DLGAP2: variants seen among roughly 807,000 people sequenced by gnomAD.
DLGAP2 encodes DLG associated protein 2.
DLGAP2 carries 26 observed loss-of-function variants against 100.3 expected under a neutral mutation model. The ratio of observed to expected loss-of-function variants is 0.26; its 90% CI spans 0.19 to 0.36. The LOEUF (loss-of-function observed/expected upper bound fraction) is 0.36. Among genes scored for constraint, DLGAP2 ranks in the 10% least tolerant of loss-of-function variants. The pLI, the probability that DLGAP2 is intolerant of heterozygous loss-of-function variation, is 1.00. For synonymous variants in DLGAP2, 886 were observed against 630.1 expected, an observed-to-expected ratio of 1.41 and a Z score of -6.08; for missense variants, 1,858 against 1,453.2, an observed-to-expected ratio of 1.28 and a Z score of -4.53.
intron 3 of DLGAP2, chr8:1,300,203 G>A (rs1041574168): frequency 3.9e-5 from 6 of 152,188 alleles, no homozygotes; most frequent in East Asian, 1.9e-4. Context: ...ACCGTTATAC[G>A]TGTGTGTCTG....
In DLGAP2 at chr8:1,282,858, G is replaced by A. The variant is rs1339794497; in HGVS notation, c.106+23975G>A. The stretch of plus-strand genomic sequence containing the variant: ...CCAGCACGTGAAGCATCCGGACGTG[G>A]TGTGACCTGAACCCAGCGCCCTGAA... On this transcript the variant is annotated intron_variant, in intron 3 of 14. Coordinates refer to ENST00000637795, the MANE Select transcript of DLGAP2 (RefSeq NM_001346810.2). Among the ~76,000 whole-genome samples the A allele has an allele frequency of 9.4e-3, 934 of 99,338 alleles. 119 individuals carry two copies. The highest frequency in any genetic ancestry group is 0.048 in the African/African-American group (815 of 16,856). 65.2% of individuals were successfully genotyped at this position (99,338 alleles called of 152,430 possible).
At chr8:1,032,631 G>A (rs1020013519) in intron 2 of DLGAP2, 1 of 152,196 alleles carries the variant, frequency 6.6e-6, no homozygotes, top group Non-Finnish European at 1.5e-5. Flanking sequence ...AAAGTGAGAT[G>A]TTGGAAGTGG....
At position 1,280,612 on chromosome 8, in the gene DLGAP2, T is replaced by G. The variant is rs373893777; in HGVS notation, c.106+21729T>G. On this transcript the variant is annotated intron_variant, in intron 3 of 14. Coordinates refer to ENST00000637795, the MANE Select transcript of DLGAP2 (RefSeq NM_001346810.2). ...TGTGTCTTGAGGAGTAAGGGGAATT[T>G]TGTTCAATGAAGAATGGGAAGACCC... is the stretch of plus-strand genomic sequence containing the variant. Among the ~76,000 whole-genome samples, 45 of 152,238 alleles carry G rather than the reference T, an allele frequency of 3.0e-4. No individual in the cohort carries two copies. The South Asian group carries it at 8.9e-3, about 30-fold the overall frequency.
chr8:957,497 A>G (rs968845248), intron 2 of DLGAP2, among the ~76,000 whole-genome samples: 1 of 152,196 alleles, frequency 6.6e-6, no homozygotes, highest in Non-Finnish European at 1.5e-5. Context: ...AGAGATGCTG[A>G]TATTAGGCCA....
At chr8:1,222,048 G>A (rs1057370703) in intron 2 of DLGAP2, among the ~76,000 whole-genome samples, 1 of 152,134 alleles carries the variant, frequency 6.6e-6, no homozygotes, top group Non-Finnish European at 1.5e-5. Flanking sequence ...TTGAGCTTCT[G>A]TGCCATCCAG....
intron 3 of DLGAP2, among the ~76,000 whole-genome samples, chr8:1,299,366 C>G (rs554343614): frequency 6.6e-6 from 1 of 152,238 alleles, no homozygotes; most frequent in South Asian, 2.1e-4. Context: ...AGTGTGAAAT[C>G]TGGAAACAGA....
intron 2 of DLGAP2, among the ~76,000 whole-genome samples, chr8:1,143,513 C>T (rs981217454): frequency 3.3e-5 from 5 of 152,178 alleles, no homozygotes; most frequent in African/African-American, 1.2e-4. Context: ...CAGGAACCCA[C>T]GGGTGTGGTG....
At position 1,653,319 on chromosome 8, in the gene DLGAP2, C is replaced by A. The variant is rs1418472005; in HGVS notation, c.1811-15010C>A. ...CCCTGCGGGTGGGGTAGGGAGCCGA[C>A]AATCCTCACCCCGCTCACGGGGAGG... On this transcript the variant is annotated intron_variant, in intron 8 of 14. Transcript: ENST00000637795. Among the ~76,000 whole-genome samples the A allele has an allele frequency of 2.6e-5, 4 of 152,334 alleles. No homozygotes were observed. The South Asian group carries it at 8.3e-4, about 32-fold the overall frequency.
chr8:1,460,069 C>G (rs533641102), intron 3 of DLGAP2, among the ~76,000 whole-genome samples: 93 of 152,346 alleles, frequency 6.1e-4, no homozygotes, highest in African/African-American at 2.1e-3. Flanking sequence ...CATCCCATGT[C>G]AAGAACACGT....
Position 1,097,226 on chromosome 8 carries a change from C to G in DLGAP2, c.74-161625C>G, listed in dbSNP as rs1351281170. Among the ~76,000 whole-genome samples the G allele has an allele frequency of 3.1e-5, 4 of 127,776 alleles. 1 individual carries two copies. The highest frequency in any genetic ancestry group is 9.5e-5 in the African/African-American group (3 of 31,422). The allele number at this position is 127,776 out of a possible 152,430, so 83.8% of individuals were successfully genotyped here. A position where few individuals can be genotyped will look rare whatever the true frequency, so the allele number is the denominator to read the frequency against. ...GGAGCCTAGGGCAGGCCTTCACCCT[C>G]TGTGGCATGGAGAGGTCCCCTCCAG... On this transcript the variant is annotated intron_variant, in intron 2 of 14. Transcript: ENST00000637795.
chr8:751,564 T>C (rs1820789360), intron 1 of DLGAP2, among the ~76,000 whole-genome samples: 1 of 151,874 alleles, frequency 6.6e-6, no homozygotes, highest in Admixed American at 6.6e-5. Flanking sequence ...TTATAGTAAG[T>C]TCATCTGACA....
At chr8:1,551,576 C>T (rs1214352634) in intron 5 of DLGAP2, among the ~76,000 whole-genome samples, 1 of 152,166 alleles carries the variant, frequency 6.6e-6, no homozygotes, top group Admixed American at 6.5e-5. Context: ...AGCTATTCCA[C>T]GGTCTAGGTG....
intron 2 of DLGAP2, among the ~76,000 whole-genome samples, chr8:1,233,925 C>T (rs907917205): frequency 1.3e-5 from 2 of 152,140 alleles, no homozygotes; most frequent in African/African-American, 4.8e-5. Flanking sequence ...GTATTAATGA[C>T]ACAAAAGGAC....
At chr8:1,037,864 C>G (rs577425397) in intron 2 of DLGAP2, among the ~76,000 whole-genome samples, 12 of 152,330 alleles carry the variant, frequency 7.9e-5, no homozygotes, top group Non-Finnish European at 1.8e-4. Context: ...GACAGCCGGT[C>G]TCTCCACAAT....
chr8:983,709 C>T (rs772637723), intron 2 of DLGAP2, among the ~76,000 whole-genome samples: 2 of 151,988 alleles, frequency 1.3e-5, no homozygotes, highest in Non-Finnish European at 2.9e-5. Flanking sequence ...GTGGTGTGAT[C>T]GTGGCTCACT....
At chr8:1,064,636 C>G (rs1803189599) in intron 2 of DLGAP2, among the ~76,000 whole-genome samples, 2 of 152,214 alleles carry the variant, frequency 1.3e-5, no homozygotes, top group South Asian at 4.1e-4. Flanking sequence ...ACAAGGAGGT[C>G]TTTAGTAAAT....
intron 3 of DLGAP2, among the ~76,000 whole-genome samples, chr8:1,290,517 G>A (rs1800035100): frequency 6.6e-6 from 1 of 152,182 alleles, no homozygotes; most frequent in African/African-American, 2.4e-5. Flanking sequence ...TTATAATGAA[G>A]GGATCAAAGG....
At chr8:1,063,989 C>T (rs1232248534) in intron 2 of DLGAP2, among the ~76,000 whole-genome samples, 1 of 152,184 alleles carries the variant, frequency 6.6e-6, no homozygotes, top group African/African-American at 2.4e-5. Flanking sequence ...GCCATTCATA[C>T]ATTTATACGC....
chr8:1,213,963 C>T (rs1389473194), intron 2 of DLGAP2, among the ~76,000 whole-genome samples: 1 of 152,182 alleles, frequency 6.6e-6, no homozygotes, highest in East Asian at 1.9e-4. Flanking sequence ...ATTTCCCCAT[C>T]TCCAGCCTTC....
Sources: gnomAD v4.1 joint callset for allele counts (sites outside exome capture counted in the v4.1 genomes callset) on GRCh38, gnomAD v4.1.1 for gene constraint, MANE v1.5 for transcripts, NCBI Gene and HGNC (gene_info 2026-07-23, HGNC 2026-07-21) for gene names.